UBIAD1: variants seen among roughly 807,000 people sequenced by gnomAD.
UBIAD1 encodes the protein UbiA prenyltransferase domain containing 1, also known as ubiA prenyltransferase domain-containing protein 1.
A neutral mutation model predicts 20.1 loss-of-function variants in UBIAD1; 12 were observed. The observed-to-expected ratio is 0.60, with a 90% CI of 0.38 to 0.97. The LOEUF is 0.97. UBIAD1 is among the 50% of genes least tolerant of loss of function. UBIAD1 has a pLI of 0.00. For missense variants in UBIAD1, 333 were observed against 419.5 expected, an observed-to-expected ratio of 0.79 and a Z score of 1.80; for synonymous variants, 207 against 189.2, an observed-to-expected ratio of 1.09 and a Z score of -0.77.
At chr1:11,289,944 C>A (rs1638338242), downstream of UBIAD1, among the ~76,000 whole-genome samples, 1 of 152,096 alleles carries the variant, frequency 6.6e-6, no homozygotes, top group Admixed American at 6.6e-5. Flanking sequence ...GTTGGCCAGG[C>A]TGGTCTCAAA....
At chr1:11,294,867 T>C in intron 1 of UBIAD1, 1 of 717,494 alleles carries the variant, frequency 1.4e-6, no homozygotes, top group Non-Finnish European at 2.6e-6. Flanking sequence ...GTCTCGTCTC[T>C]TCCAGTCCTC....
rs1305861757 is a variant in UBIAD1 at position 11,285,946 on chromosome 1, C to CACTG, written c.833_836dup (p.Cys279Ter). The CACTG allele has an allele frequency of 1.2e-6, 2 of 1,614,232 alleles. No homozygotes were observed. Among genetic ancestry groups the CACTG allele is most frequent in the South Asian group, 2.2e-5 (2 of 91,088 alleles). On this transcript the variant is annotated stop_gained and frameshift_variant, in exon 2 of 2. Transcript: ENST00000376810. LOFTEE classifies it high-confidence loss of function. The surrounding 1 kb of genome is among the most constrained non-coding windows in gnomAD (Gnocchi z 4.4). ...CCTGGTCTTCAGCATCCTGGCCACA[C>CACTG]ACTGCACCATCAGCCTGGCACTCCC... is the stretch of plus-strand genomic sequence containing the variant.
chr1:11,276,183 G>A (rs920138302), intron 1 of UBIAD1, among the ~76,000 whole-genome samples: 4 of 152,162 alleles, frequency 2.6e-5, no homozygotes, highest in East Asian at 1.9e-4. Flanking sequence ...CCAGGCAAGC[G>A]ATGTTTGGTG....
In UBIAD1 at chr1:11,286,403, G is replaced by A. The variant is rs1159919158; in HGVS notation, c.*272G>A. 1 of 475,510 alleles carries A rather than the reference G, an allele frequency of 2.1e-6. No individual in the cohort carries two copies. Among genetic ancestry groups the A allele is most frequent in the South Asian group, 2.1e-5 (1 of 47,272 alleles). The allele number at this position is 475,510 out of a possible 1,614,324, so 29.5% of individuals were successfully genotyped here. A position where few individuals can be genotyped will look rare whatever the true frequency, so the allele number is the denominator to read the frequency against. The stretch of plus-strand genomic sequence containing the variant: ...TTTTATTAATAATTTCCACTAGAGG[G>A]TGTTCTCAGGTCACTTTGCAGTGAA... On this transcript the variant is annotated 3_prime_UTR_variant, in exon 2 of 2. Transcript: ENST00000376810.
chr1:11,295,358 G>A, downstream of UBIAD1: 1 of 174,024 alleles, frequency 5.7e-6, no homozygotes, highest in Non-Finnish European at 1.2e-5. Flanking sequence ...AAGACTCGAA[G>A]TTTTCCTTAA....
At position 11,282,558 on chromosome 1, in the gene UBIAD1, CTTT is replaced by C. The variant is rs34509238; in HGVS notation, c.530-3069_530-3067del. Among the ~76,000 whole-genome samples the C allele has an allele frequency of 3.6e-3, 465 of 128,090 alleles. 1 individual carries two copies. Among genetic ancestry groups the C allele is most frequent in the African/African-American group, 0.013 (428 of 33,486 alleles). The allele number at this position is 128,090 out of a possible 152,430, so 84.0% of individuals were successfully genotyped here. On this transcript the variant is annotated intron_variant, in intron 1 of 1. Coordinates refer to ENST00000376810, the MANE Select transcript of UBIAD1 (RefSeq NM_013319.3). ...TCTCTGCTCAACCTTGCTTACATCA[CTTT>C]TTTTTTTTTTTTTTTTCAAAAGACA...
At position 11,286,907 on chromosome 1, in the gene UBIAD1, A is replaced by AAGG. The variant is rs1287360172; in HGVS notation, c.*778_*780dup. 6.6e-6 allele frequency: 1 copy of AAGG among 152,414 alleles called. No homozygotes were observed. The highest frequency in any genetic ancestry group is 6.5e-5 in the Admixed American group (1 of 15,294). 9.4% of individuals were successfully genotyped at this position (152,414 alleles called of 1,614,324 possible). A position where few individuals can be genotyped will look rare whatever the true frequency, so the allele number is the denominator to read the frequency against. Reference sequence around the variant, plus strand: ...TTGTTGAATCTACTAGAGTGACAGGAAGGACTCCCAGCCCTTTCAGTAACT... The same window carrying AAGG: ...TTGTTGAATCTACTAGAGTGACAGGAAGGAGGACTCCCAGCCCTTTCAGTAACT... On this transcript the variant is annotated 3_prime_UTR_variant, in exon 2 of 2. Coordinates refer to ENST00000376810, the MANE Select transcript of UBIAD1 (RefSeq NM_013319.3).
At position 11,285,051 on chromosome 1, in the gene UBIAD1, A is replaced by G. The variant is rs1638231453; in HGVS notation, c.530-593A>G. Among the ~76,000 whole-genome samples the G allele has an allele frequency of 6.6e-6, 1 of 152,174 alleles. No individual in the cohort carries two copies. The highest frequency in any genetic ancestry group is 1.5e-5 in the Non-Finnish European group (1 of 68,030). ...GGTGGTTTAGTTTCAATCTCATAGG[A>G]GACAGAGGAGGAAAGCAGCATTATA... On this transcript the variant is annotated intron_variant, in intron 1 of 1. Transcript: ENST00000376810. This position sits in a 1 kb window ranked among gnomAD's most constrained non-coding sequence, Gnocchi z 4.4.
chr1:11,288,509 G>A (rs1345476640), downstream of UBIAD1: 1 of 152,180 alleles, frequency 6.6e-6, no homozygotes, highest in Non-Finnish European at 1.5e-5. Flanking sequence ...GTAAATCTCA[G>A]GGAGACCAAG....
intron 1 of UBIAD1, among the ~76,000 whole-genome samples, chr1:11,276,954 G>A (rs183512799): frequency 2.4e-4 from 36 of 152,106 alleles, no homozygotes; most frequent in Middle Eastern, 3.4e-3. Flanking sequence ...TAACACATTT[G>A]TGCTGGATGT....
exon 2 of UBIAD1, chr1:11,294,883 G>C (rs995878443): frequency 2.8e-6 from 2 of 717,296 alleles, no homozygotes; most frequent in African/African-American, 3.5e-5. Context: ...TCCTCATCTA[G>C]CCACTGAAGC....
chr1:11,296,251 A>G (rs191499500), downstream of UBIAD1, among the ~76,000 whole-genome samples: 2 of 151,586 alleles, frequency 1.3e-5, no homozygotes, highest in East Asian at 3.9e-4. Context: ...ACCTTATATC[A>G]CTCCTGGAGC....
rs1475118970 is a variant in UBIAD1, at chr1:11,274,075, G to A, written c.529+15G>A. On this transcript the variant is annotated intron_variant, in intron 1 of 1. Coordinates refer to ENST00000376810, the MANE Select transcript of UBIAD1 (RefSeq NM_013319.3). ...CTACACAGGAGGTAAGATTTGGCCT[G>A]TCCTGTGTGCTGCAGGTCTTAGTCG... 2 of 1,613,984 alleles carry A rather than the reference G, an allele frequency of 1.2e-6. No homozygotes were observed. The highest frequency in any genetic ancestry group is 3.3e-5 in the Admixed American group (2 of 60,022).
intron 1 of UBIAD1, among the ~76,000 whole-genome samples, chr1:11,274,329 C>T (rs1248820927): frequency 1.3e-5 from 2 of 152,232 alleles, no homozygotes; most frequent in East Asian, 1.9e-4. Flanking sequence ...GACGGAGTCT[C>T]GCTCTGTCGC....
chr1:11,291,606 C>CAAAAAA (rs771883369), downstream of UBIAD1, among the ~76,000 whole-genome samples: 1 of 56,366 alleles, frequency 1.8e-5, no homozygotes, highest in African/African-American at 5.7e-5. Context: ...GACTTCATCT[C>CAAAAAA]AAAAAAAAAA....
chr1:11,276,554 C>T (rs765055140), intron 1 of UBIAD1, among the ~76,000 whole-genome samples: 53 of 151,408 alleles, frequency 3.5e-4, no homozygotes, highest in Non-Finnish European at 7.4e-4. Context: ...GTCCTAGCTA[C>T]TCGGGAGGCT....
intron 1 of UBIAD1, among the ~76,000 whole-genome samples, chr1:11,277,502 C>T (rs2788546): frequency 0.46 from 70,085 of 151,708 alleles, 20,646 homozygotes; most frequent in African/African-American, 0.85. Flanking sequence ...TCTAACTCCT[C>T]ACCTCAAGTG....
At chr1:11,291,363 T>C (rs1285768279), downstream of UBIAD1, among the ~76,000 whole-genome samples, 1 of 152,136 alleles carries the variant, frequency 6.6e-6, no homozygotes, top group African/African-American at 2.4e-5. Context: ...ATCCCAGCAC[T>C]TTGGGAGGTC....
chr1:11,299,378 C>G (rs557367262), downstream of UBIAD1, among the ~76,000 whole-genome samples: 20 of 152,276 alleles, frequency 1.3e-4, no homozygotes, highest in African/African-American at 4.8e-4. Flanking sequence ...GTGACTTGCT[C>G]GGGATCACAA....
Sources: gnomAD v4.1 joint callset for allele counts (sites outside exome capture counted in the v4.1 genomes callset) on GRCh38, gnomAD v4.1.1 for gene constraint, Gnocchi (gnomAD v3.1) non-coding constraint, MANE v1.5 for transcripts, NCBI Gene and HGNC (gene_info 2026-07-23, HGNC 2026-07-21) for gene names.